Variants in JAKMIP2 observed in about 807,000 individuals in gnomAD.
The protein encoded by JAKMIP2 is janus kinase and microtubule interacting protein 2.
In JAKMIP2, 25 loss-of-function variants were observed where a neutral mutation model predicts 115.0. The observed-to-expected ratio is 0.22, with a 90% confidence interval of 0.16 to 0.30. The LOEUF is 0.30. JAKMIP2 is among the 10% of genes least tolerant of loss of function. JAKMIP2 has a pLI of 1.00. For synonymous variants in JAKMIP2, 334 were observed against 343.6 expected, an observed-to-expected ratio of 0.97 and a Z score of 0.31; for missense variants, 642 against 957.6, an observed-to-expected ratio of 0.67 and a Z score of 4.35.
At chr5:147,704,275 C>T (rs1454403387) in intron 1 of JAKMIP2, among the ~76,000 whole-genome samples, 2 of 152,104 alleles carry the variant, frequency 1.3e-5, no homozygotes, top group Admixed American at 1.3e-4. Context: ...TATAGACTGG[C>T]AATGCTGTAG....
chr5:147,712,270 A>T (rs1752811247), intron 1 of JAKMIP2, among the ~76,000 whole-genome samples: 1 of 151,900 alleles, frequency 6.6e-6, no homozygotes, highest in African/African-American at 2.4e-5. Context: ...ATCAAGGTTC[A>T]CATGGGAGTT....
At chr5:147,591,884 G>A (rs1241752987) in intron 21 of JAKMIP2, among the ~76,000 whole-genome samples, 198 bp from the exon 22 acceptor site, 5 of 152,090 alleles carry the variant, frequency 3.3e-5, no homozygotes, top group Admixed American at 2.6e-4. Context: ...GTCAAAGGTT[G>A]TTGCAACACA....
chr5:147,669,241 G>A (rs1759458676), intron 2 of JAKMIP2, among the ~76,000 whole-genome samples: 1 of 152,172 alleles, frequency 6.6e-6, no homozygotes, highest in Admixed American at 6.5e-5. Context: ...CTTTGGCGAA[G>A]GATGCTGACA....
chr5:147,672,771 A>T (rs1399308928), intron 1 of JAKMIP2, among the ~76,000 whole-genome samples: 1 of 152,202 alleles, frequency 6.6e-6, no homozygotes, highest in Non-Finnish European at 1.5e-5. Context: ...ACAGATGGAG[A>T]AACAGGTGAA....
intron 1 of JAKMIP2, among the ~76,000 whole-genome samples, chr5:147,683,172 G>T (rs1016216822): frequency 2.6e-5 from 4 of 152,160 alleles, no homozygotes; most frequent in African/African-American, 9.7e-5. Context: ...GCAGGTAATT[G>T]CTGTATATGT....
At chr5:147,719,340 G>T (rs12657017) in intron 1 of JAKMIP2, among the ~76,000 whole-genome samples, 4 of 137,632 alleles carry the variant, frequency 2.9e-5, no homozygotes, top group East Asian at 2.2e-4. Context: ...TTGGGGTGGA[G>T]AGTTCTGTAG....
At chr5:147,682,050 A>AAAAAAAAAAAAAG (rs71001451) in intron 1 of JAKMIP2, among the ~76,000 whole-genome samples, 6 of 148,934 alleles carry the variant, frequency 4.0e-5, no homozygotes, top group African/African-American at 1.3e-4. Context: ...AAAAAAAAAA[A>AAAAAAAAAAAAAG]AAAGAAAGAA....
rs1757431673 is a variant in JAKMIP2 at position 147,632,894 on chromosome 5, A to G, written c.1678-116T>C. 3 of 634,022 alleles carry G rather than the reference A, an allele frequency of 4.7e-6. No individual in the cohort carries two copies. In the South Asian group the frequency reaches 7.0e-5, roughly 15 times the overall value. The allele number at this position is 634,022 out of a possible 1,614,324, so 39.3% of individuals were successfully genotyped here. A position where few individuals can be genotyped will look rare whatever the true frequency, so the allele number is the denominator to read the frequency against. On this transcript the variant is annotated intron_variant, in intron 12 of 21. Transcript: ENST00000616793. ...TAAGTCTTCCAGACCATGAAAAAAA[A>G]TCCCCAAATAGATGTGAATAAAATA... is the stretch of plus-strand genomic sequence containing the variant.
At chr5:147,646,572 C>T (rs1241105323) in intron 5 of JAKMIP2, among the ~76,000 whole-genome samples, 1 of 151,604 alleles carries the variant, frequency 6.6e-6, no homozygotes, top group Non-Finnish European at 1.5e-5. Flanking sequence ...TAAGATACAC[C>T]TTAAATAAAA....
intron 1 of JAKMIP2, among the ~76,000 whole-genome samples, chr5:147,714,340 A>C (rs968295598): frequency 6.6e-6 from 1 of 152,218 alleles, no homozygotes; most frequent in South Asian, 2.1e-4. Flanking sequence ...ATATAACAAC[A>C]AAAATTAAGA....
At chr5:147,594,543 A>C in intron 21 of JAKMIP2, 1 of 382,330 alleles carries the variant, frequency 2.6e-6, no homozygotes, top group Non-Finnish European at 5.6e-6. Flanking sequence ...CATGTTTCCC[A>C]GGCTGGTCTT....
intron 14 of JAKMIP2, among the ~76,000 whole-genome samples, chr5:147,630,457 A>G (rs1757305268): frequency 6.6e-6 from 1 of 152,170 alleles, no homozygotes; most frequent in South Asian, 2.1e-4. Context: ...ACAAATTACC[A>G]TGCCACCCAG....
chr5:147,605,266 G>C (rs1205210815), intron 20 of JAKMIP2, among the ~76,000 whole-genome samples: 1 of 138,460 alleles, frequency 7.2e-6, no homozygotes, highest in East Asian at 2.1e-4. Context: ...CTGGAGTGCA[G>C]TGGCATGATC....
intron 1 of JAKMIP2, among the ~76,000 whole-genome samples, chr5:147,699,864 G>A (rs1752254271): frequency 6.6e-6 from 1 of 152,132 alleles, no homozygotes; most frequent in Non-Finnish European, 1.5e-5. Flanking sequence ...TGCCCTTCCT[G>A]AAGAACACCA....
intron 20 of JAKMIP2, among the ~76,000 whole-genome samples, chr5:147,603,175 C>A (rs967755542): frequency 1.3e-5 from 2 of 152,282 alleles, no homozygotes; most frequent in Admixed American, 1.3e-4. Context: ...TGGAGTCAGA[C>A]ACCCTGACCT....
At chr5:147,652,936 T>G (rs907273504) in intron 3 of JAKMIP2, among the ~76,000 whole-genome samples, 2 of 152,072 alleles carry the variant, frequency 1.3e-5, no homozygotes, top group African/African-American at 4.8e-5. Flanking sequence ...CAACTCCCAC[T>G]TATGAGCGGG....
At chr5:147,630,335 G>A (rs2126682581) in intron 14 of JAKMIP2, among the ~76,000 whole-genome samples, 1 of 152,214 alleles carries the variant, frequency 6.6e-6, no homozygotes, top group East Asian at 1.9e-4. Flanking sequence ...ATTCGAAAGA[G>A]TTCATTGGAT....
In JAKMIP2 at chr5:147,759,489, C is replaced by T. The variant is rs370237441; in HGVS notation, c.-149+22967G>A. ...TAGGCTTCAGGGATATGAAAATGAA[C>T]AAAGAGAGTGCTAGTGGTGGACAAG... On this transcript the variant is annotated intron_variant, in intron 1 of 21. Coordinates refer to ENST00000616793, the MANE Select transcript of JAKMIP2 (RefSeq NM_001270941.2). Among the ~76,000 whole-genome samples the T allele has an allele frequency of 3.3e-5, 5 of 151,962 alleles. No individual in the cohort carries two copies. In the East Asian group the frequency reaches 9.7e-4, roughly 29 times the overall value.
intron 1 of JAKMIP2, among the ~76,000 whole-genome samples, chr5:147,699,981 A>G (rs1305904452): frequency 6.6e-6 from 1 of 152,206 alleles, no homozygotes; most frequent in African/African-American, 2.4e-5. Flanking sequence ...AATGTACGCT[A>G]TCTATGTTGG....
Sources: allele counts gnomAD v4.1 joint callset (sites outside exome capture counted in the v4.1 genomes callset), GRCh38; gene constraint gnomAD v4.1.1; transcripts MANE v1.5; gene names NCBI Gene and HGNC (gene_info 2026-07-23, HGNC 2026-07-21).